SAE1: variants seen among roughly 807,000 people sequenced by gnomAD.
SAE1 encodes the protein SUMO-activating enzyme subunit 1.
In SAE1, 11 loss-of-function variants were observed where a neutral mutation model predicts 40.6. The observed-to-expected ratio is 0.27, with a 90% CI of 0.17 to 0.45. The LOEUF is 0.45. Ranked by LOEUF, SAE1 falls within the 20% of genes least tolerant of loss-of-function variation. The pLI, the probability that SAE1 is intolerant of heterozygous loss-of-function variation, is 1.00. For missense variants in SAE1, 373 were observed against 427.3 expected (o/e 0.87, Z 1.12); for synonymous variants, 155 against 154.3 (o/e 1.00, Z -0.03).
Position 47,198,554 on chromosome 19 carries a change from G to A in SAE1, c.878+1177G>A, listed in dbSNP as rs116640747. Among the ~76,000 whole-genome samples the A allele has an allele frequency of 4.0e-3, 603 of 152,260 alleles. 6 individuals carry two copies. The highest frequency in any genetic ancestry group is 0.014 in the African/African-American group (569 of 41,548). On this transcript the variant is annotated intron_variant, in intron 7 of 8. Coordinates refer to ENST00000270225, the MANE Select transcript of SAE1 (RefSeq NM_005500.3). ...GATGGCTGCAGTTTACTGAGCAGCT[G>A]TTATGTACTAGGCATCAGGTAGTAA...
chr19:47,158,826 GAGAGCATAGACAGTGGGTA>G (rs1228816033), intron 5 of SAE1, among the ~76,000 whole-genome samples: 1 of 152,216 alleles, frequency 6.6e-6, no homozygotes, highest in Non-Finnish European at 1.5e-5. Flanking sequence ...AAGAAGGGGC[GAGAGCATAGACAGTGGGTA>G]AGGGCATAGG....
chr19:47,186,937 T>G (rs910289121), intron 6 of SAE1, among the ~76,000 whole-genome samples: 1 of 152,148 alleles, frequency 6.6e-6, no homozygotes, highest in African/African-American at 2.4e-5. Flanking sequence ...CTAGAGACTG[T>G]GAGCTCCGCG....
At chr19:47,173,464 C>T (rs1199961201) in intron 6 of SAE1, among the ~76,000 whole-genome samples, 2 of 152,120 alleles carry the variant, frequency 1.3e-5, no homozygotes, top group African/African-American at 4.8e-5. Context: ...TCAGTTTTGT[C>T]CCCTCAGTTC....
At chr19:47,176,918 C>CT (rs2058472303) in intron 6 of SAE1, among the ~76,000 whole-genome samples, 1 of 152,070 alleles carries the variant, frequency 6.6e-6, no homozygotes, top group South Asian at 2.1e-4. Flanking sequence ...TTGATTTGTT[C>CT]TTTTTGAGGT....
intron 6 of SAE1, among the ~76,000 whole-genome samples, chr19:47,195,486 C>T (rs2058607872): frequency 1.3e-5 from 2 of 152,172 alleles, no homozygotes; most frequent in South Asian, 4.1e-4. Context: ...CAAAATTAAA[C>T]ATCCATTTAT....
At chr19:47,131,760 G>A (rs1169709035) in intron 1 of SAE1, among the ~76,000 whole-genome samples, 1 of 146,556 alleles carries the variant, frequency 6.8e-6, no homozygotes, top group African/African-American at 2.6e-5. Context: ...GAGGGCAGTG[G>A]CGCGATCTCG....
intron 8 of SAE1, among the ~76,000 whole-genome samples, chr19:47,207,344 G>A (rs1260464801): frequency 6.6e-6 from 1 of 152,176 alleles, no homozygotes; most frequent in South Asian, 2.1e-4. Flanking sequence ...TGAGGAAAAG[G>A]GTTTGGTGCT....
At chr19:47,196,226 G>A (rs546697691) in intron 6 of SAE1, among the ~76,000 whole-genome samples, 1 of 150,356 alleles carries the variant, frequency 6.7e-6, no homozygotes, top group East Asian at 1.9e-4. Flanking sequence ...TAGTAGAGAC[G>A]GGGTTTCACC....
At chr19:47,157,708 C>T (rs73568418) in intron 5 of SAE1, among the ~76,000 whole-genome samples, 3 of 152,186 alleles carry the variant, frequency 2.0e-5, no homozygotes, top group Non-Finnish European at 2.9e-5. Flanking sequence ...CCTCTTCCTA[C>T]GTGGAGCTGA....
At chr19:47,158,760 G>T (rs964689600) in intron 5 of SAE1, among the ~76,000 whole-genome samples, 3 of 152,206 alleles carry the variant, frequency 2.0e-5, no homozygotes, top group African/African-American at 7.2e-5. Flanking sequence ...CCCATCTATA[G>T]CTGATAAAGA....
chr19:47,167,607 C>T (rs1326879055), intron 5 of SAE1, among the ~76,000 whole-genome samples: 2 of 152,120 alleles, frequency 1.3e-5, no homozygotes, highest in African/African-American at 4.8e-5. Flanking sequence ...TGCCTGGTAA[C>T]TGATAGATCT....
intron 6 of SAE1, among the ~76,000 whole-genome samples, chr19:47,182,219 C>T (rs760252231): frequency 6.6e-6 from 1 of 152,098 alleles, no homozygotes; most frequent in Non-Finnish European, 1.5e-5. Context: ...TAGTTCTCTT[C>T]AGAAGAAACT....
intron 6 of SAE1, among the ~76,000 whole-genome samples, chr19:47,176,109 T>C (rs1380236027): frequency 2.6e-5 from 4 of 152,222 alleles, no homozygotes; most frequent in African/African-American, 9.6e-5. Context: ...GTTTATGTAA[T>C]CAAACTGTGA....
At chr19:47,151,857 G>T (rs1056764330) in intron 3 of SAE1, among the ~76,000 whole-genome samples, 2 of 152,244 alleles carry the variant, frequency 1.3e-5, no homozygotes, top group African/African-American at 2.4e-5. Context: ...ATTGTGTAAT[G>T]CGTGTGCATG....
Position 47,169,801 on chromosome 19 carries a change from C to G in SAE1, c.628-17C>G. 1 of 1,560,806 alleles carries G rather than the reference C, an allele frequency of 6.4e-7. No homozygotes were observed. The highest frequency in any genetic ancestry group is 8.8e-7 in the Non-Finnish European group (1 of 1,131,810). On this transcript the variant is annotated splice_polypyrimidine_tract_variant and intron_variant, in intron 5 of 8. Transcript: ENST00000270225. ...CAGCATATGTTATTCCTAAGCAGTT[C>G]TGCCTTTTTTCCACAGAAGGTGGTC...
Position 47,130,903 on chromosome 19 carries a change from C to G in SAE1, c.-28C>G. 4 of 1,548,318 alleles carry G rather than the reference C, an allele frequency of 2.6e-6. No individual in the cohort carries two copies. Among genetic ancestry groups the G allele is most frequent in the South Asian group, 1.2e-5 (1 of 83,924 alleles). On this transcript the variant is annotated 5_prime_UTR_variant, in exon 1 of 9. Coordinates refer to ENST00000270225, the MANE Select transcript of SAE1 (RefSeq NM_005500.3). ...GGCGGGCGGTTGGCTTGAGCGGGAC[C>G]GGAGCTGAGGCAGGAAGAGCCGGCG...
chr19:47,198,939 T>G lies in SAE1; in HGVS notation c.878+1562T>G, dbSNP rs542086599. ...CTGTCTCTACAAAAAATAGAAAAAT[T>G]AACTGGGCATCGATGACTGGTGCTT... is the stretch of plus-strand genomic sequence containing the variant. On this transcript the variant is annotated intron_variant, in intron 7 of 8. Coordinates refer to ENST00000270225, the MANE Select transcript of SAE1 (RefSeq NM_005500.3). Among the ~76,000 whole-genome samples, 3 of 151,916 alleles carry G rather than the reference T, an allele frequency of 2.0e-5. No homozygotes were observed. In the South Asian group the frequency reaches 6.2e-4, roughly 32 times the overall value.
At chr19:47,139,456 G>C (rs1439767458) in intron 1 of SAE1, among the ~76,000 whole-genome samples, 1 of 152,160 alleles carries the variant, frequency 6.6e-6, no homozygotes, top group Non-Finnish European at 1.5e-5. Flanking sequence ...AAAGTGCTGG[G>C]ATTACAGGTG....
At chr19:47,203,518 C>T (rs530234773) in intron 7 of SAE1, among the ~76,000 whole-genome samples, 153 bp from the exon 8 acceptor site, 4 of 152,172 alleles carry the variant, frequency 2.6e-5, no homozygotes, top group Non-Finnish European at 2.9e-5. Context: ...TTCATTTTCA[C>T]GCCTAGATGC....
Sources: allele counts gnomAD v4.1 joint callset (sites outside exome capture counted in the v4.1 genomes callset), GRCh38; gene constraint gnomAD v4.1.1; transcripts MANE v1.5; gene names NCBI Gene and HGNC (gene_info 2026-07-23, HGNC 2026-07-21).